MYO5A: variants seen among roughly 807,000 people sequenced by gnomAD.
The protein encoded by MYO5A is myosin VA, also known as unconventional myosin-Va.
A neutral mutation model predicts 249.7 loss-of-function variants in MYO5A; 98 were observed. The ratio of observed to expected loss-of-function variants is 0.39; its 90% CI spans 0.33 to 0.46. The LOEUF (loss-of-function observed/expected upper bound fraction) is 0.46. Among genes scored for constraint, MYO5A ranks in the 20% least tolerant of loss-of-function variants. The pLI is 0.98. For missense variants in MYO5A, 1,696 were observed against 2,308.8 expected (o/e 0.73, Z 5.44); for synonymous variants, 778 against 810.6 (o/e 0.96, Z 0.68).
chr15:52,518,935 C>A (rs1035950670), intron 1 of MYO5A, among the ~76,000 whole-genome samples: 1 of 152,092 alleles, frequency 6.6e-6, no homozygotes, highest in Non-Finnish European at 1.5e-5. Context: ...AAAAGATTCA[C>A]CCTTTAGTAA....
intron 1 of MYO5A, among the ~76,000 whole-genome samples, chr15:52,509,010 C>T (rs1715029884): frequency 6.6e-6 from 1 of 151,216 alleles, no homozygotes; most frequent in African/African-American, 2.4e-5. Context: ...CTTGCTCTAT[C>T]ACCCAGGCTG....
intron 4 of MYO5A, among the ~76,000 whole-genome samples, chr15:52,420,873 A>G (rs975891049): frequency 2.0e-5 from 3 of 152,226 alleles, no homozygotes; most frequent in Admixed American, 6.5e-5. Context: ...GACAAAGAAG[A>G]AAGGCTTCAG....
intron 34 of MYO5A, chr15:52,331,783 G>A: frequency 3.0e-6 from 3 of 985,390 alleles, no homozygotes; most frequent in Non-Finnish European, 3.6e-6. Context: ...GGGACTATCA[G>A]CGCTGAAAAT....
At chr15:52,417,723 T>C (rs577271235) in intron 4 of MYO5A, among the ~76,000 whole-genome samples, 6 of 152,246 alleles carry the variant, frequency 3.9e-5, no homozygotes, top group African/African-American at 1.4e-4. Flanking sequence ...GATAAAAGGA[T>C]GAGTTTAAGC....
intron 18 of MYO5A, among the ~76,000 whole-genome samples, chr15:52,379,155 A>C (rs1474656882): frequency 6.6e-6 from 1 of 152,116 alleles, no homozygotes; most frequent in African/African-American, 2.4e-5. Flanking sequence ...CTTTGATGAA[A>C]TCTCTCCTTC....
At chr15:52,322,609 T>C (rs1203983689) in intron 37 of MYO5A, among the ~76,000 whole-genome samples, 2 of 152,260 alleles carry the variant, frequency 1.3e-5, no homozygotes, top group Non-Finnish European at 2.9e-5. Flanking sequence ...GTAAGTGCTG[T>C]CTGACACATA....
chr15:52,484,264 G>C (rs1305325553), intron 1 of MYO5A, among the ~76,000 whole-genome samples: 1 of 152,202 alleles, frequency 6.6e-6, no homozygotes, highest in African/African-American at 2.4e-5. Flanking sequence ...TAGAATGCAA[G>C]GAACTAGAAC....
intron 14 of MYO5A, among the ~76,000 whole-genome samples, chr15:52,386,786 A>C (rs770994845): frequency 2.3e-4 from 35 of 152,136 alleles, no homozygotes; most frequent in Non-Finnish European, 4.0e-4. Context: ...GGGCTCAAGC[A>C]GTCTGCCTGC....
chr15:52,310,663 C>G lies in MYO5A; in HGVS notation c.*3033G>C, dbSNP rs1021019434. 6.6e-6 allele frequency: 1 copy of G among 152,262 alleles called. No homozygotes were observed. The highest frequency in any genetic ancestry group is 1.5e-5 in the Non-Finnish European group (1 of 68,114). 9.4% of individuals were successfully genotyped at this position (152,262 alleles called of 1,614,324 possible). A position where few individuals can be genotyped will look rare whatever the true frequency, so the allele number is the denominator to read the frequency against. ...CTGCCTTCAGTGCACAGTCAAACAG[C>G]AGGCAACGGGATAGACGATTAAGTT... is the stretch of plus-strand genomic sequence containing the variant. On this transcript the variant is annotated 3_prime_UTR_variant, in exon 42 of 42. Transcript: ENST00000399233.
At chr15:52,354,390 T>C (rs2040103973) in intron 25 of MYO5A, among the ~76,000 whole-genome samples, 1 of 152,194 alleles carries the variant, frequency 6.6e-6, no homozygotes, top group Non-Finnish European at 1.5e-5. Flanking sequence ...TAGGAATTAA[T>C]CCTACAGAAA....
At chr15:52,463,522 C>G (rs1257177921) in intron 1 of MYO5A, among the ~76,000 whole-genome samples, 2 of 151,760 alleles carry the variant, frequency 1.3e-5, no homozygotes, top group East Asian at 3.9e-4. Flanking sequence ...TCCTCATTTT[C>G]TTAGTTATTT....
intron 13 of MYO5A, among the ~76,000 whole-genome samples, chr15:52,388,473 G>T (rs1008547346): frequency 6.6e-6 from 1 of 152,130 alleles, no homozygotes; most frequent in African/African-American, 2.4e-5. Flanking sequence ...CACTCAAGGG[G>T]GTCAAAGCTT....
At chr15:52,449,416 C>A (rs573110605) in intron 1 of MYO5A, among the ~76,000 whole-genome samples, 32 of 152,304 alleles carry the variant, frequency 2.1e-4, no homozygotes, top group African/African-American at 7.5e-4. Flanking sequence ...CAAACACCAG[C>A]TGGTTTCTCC....
chr15:52,372,622 A>G (rs1220080739), intron 20 of MYO5A, among the ~76,000 whole-genome samples: 2 of 152,264 alleles, frequency 1.3e-5, no homozygotes, highest in African/African-American at 4.8e-5. Context: ...TATTATGTGT[A>G]TAATTCTAAG....
intron 31 of MYO5A, among the ~76,000 whole-genome samples, 175 bp from the exon 32 acceptor site, chr15:52,340,569 C>T (rs1018576099): frequency 3.3e-5 from 5 of 152,150 alleles, no homozygotes; most frequent in African/African-American, 9.7e-5. Flanking sequence ...GAAATAGAAA[C>T]GGGTGCTCTC....
chr15:52,426,016 G>A (rs2075386722), intron 3 of MYO5A, 42 bp from the exon 4 acceptor site: 3 of 1,569,944 alleles, frequency 1.9e-6, no homozygotes, highest in African/African-American at 2.7e-5. Flanking sequence ...AGAAGTCAAT[G>A]ATACCCTAAT....
rs978670822 is a variant in MYO5A at position 52,377,673 on chromosome 15, C to T, written c.2209-1115G>A. On this transcript the variant is annotated intron_variant, in intron 18 of 41. Coordinates refer to ENST00000399233, the MANE Select transcript of MYO5A (RefSeq NM_001382347.1). Reference sequence around the variant, plus strand: ...GCAGCCTCCGCCTTCTGGGTTCAAGCGACACTCCTGCCTCAGCCCCCTGAG... The same window carrying T: ...GCAGCCTCCGCCTTCTGGGTTCAAGTGACACTCCTGCCTCAGCCCCCTGAG... Among the ~76,000 whole-genome samples the T allele has an allele frequency of 3.3e-4, 50 of 150,392 alleles. 1 individual carries two copies. Among genetic ancestry groups the T allele is most frequent in the African/African-American group, 1.0e-3 (43 of 40,968 alleles).
At chr15:52,461,127 A>AT (rs1325719097) in intron 1 of MYO5A, among the ~76,000 whole-genome samples, 3 of 151,764 alleles carry the variant, frequency 2.0e-5, no homozygotes, top group Non-Finnish European at 4.4e-5. Context: ...TAATTTTTGT[A>AT]TTTTTTGCGG....
At chr15:52,332,966 A>C (rs551585379) in intron 34 of MYO5A, among the ~76,000 whole-genome samples, 1 of 149,758 alleles carries the variant, frequency 6.7e-6, no homozygotes, top group African/African-American at 2.5e-5. Flanking sequence ...ACTCCATCTC[A>C]ATAAATAAAT....
Sources: allele counts gnomAD v4.1 joint callset (sites outside exome capture counted in the v4.1 genomes callset), GRCh38; gene constraint gnomAD v4.1.1; transcripts MANE v1.5; gene names NCBI Gene and HGNC (gene_info 2026-07-23, HGNC 2026-07-21).